FETUB: variants seen among roughly 807,000 people sequenced by gnomAD.
FETUB encodes the protein fetuin B.
In FETUB, 28 loss-of-function variants were observed where a neutral mutation model predicts 30.9. The ratio of observed to expected loss-of-function variants is 0.90; its 90% CI spans 0.67 to 1.24. FETUB has a LOEUF of 1.24. Among genes scored for constraint, FETUB ranks in the 50% most tolerant of loss-of-function variants. The pLI is 0.00. For missense variants in FETUB, 469 were observed against 455.3 expected (o/e 1.03, Z -0.27); for synonymous variants, 186 against 175.9 (o/e 1.06, Z -0.45).
intron 5 of FETUB, among the ~76,000 whole-genome samples, chr3:186,650,565 A>G (rs1021118056): frequency 9.8e-5 from 15 of 152,294 alleles, no homozygotes; most frequent in African/African-American, 3.1e-4. Context: ...TTTTTACAAT[A>G]TATTGTTAAG....
upstream of FETUB, among the ~76,000 whole-genome samples, chr3:186,639,471 A>G (rs1467942848): frequency 6.6e-6 from 1 of 152,152 alleles, no homozygotes; most frequent in Non-Finnish European, 1.5e-5. Context: ...CACCTCATGG[A>G]CTAGGGCTTT....
At chr3:186,640,806 A>G in intron 1 of FETUB, 121 bp downstream of exon 1, 1 of 841,344 alleles carries the variant, frequency 1.2e-6, no homozygotes, top group Non-Finnish European at 2.0e-6. Context: ...CCTGCCGAGA[A>G]CTCTCTGTTC....
Position 186,652,377 on chromosome 3 carries a change from G to T in FETUB, c.895G>T (p.Gly299Trp). ...TPPTDSPSKA[G>W]PRGSVQYLPD... is the part of the protein sequence containing the mutation. The stretch of plus-strand genomic sequence containing the variant: ...CCCAACAGACTCCCCCTCCAAAGCT[G>T]GGCCAAGAGGATCTGTCCAATATCT... Residue 299 changes from glycine to tryptophan, a missense_variant, in exon 7 of 7, where the codon GGG (glycine) becomes TGG (tryptophan). Transcript: ENST00000265029. 6.2e-7 allele frequency: 1 copy of T among 1,613,078 alleles called. No homozygotes were observed. Among genetic ancestry groups the T allele is most frequent in the Admixed American group, 1.7e-5 (1 of 59,902 alleles).
intron 1 of FETUB, 21 bp downstream of exon 1, chr3:186,640,706 C>T: frequency 6.3e-7 from 1 of 1,596,852 alleles, no homozygotes; most frequent in Non-Finnish European, 8.6e-7. Context: ...ACAGTTCCCA[C>T]TCTGGGGCAG....
chr3:186,648,640 C>A (rs1717745851), intron 5 of FETUB, among the ~76,000 whole-genome samples: 2 of 152,152 alleles, frequency 1.3e-5, no homozygotes, highest in Admixed American at 6.5e-5. Context: ...TATGTGGTAT[C>A]TTTCCATTTG....
At chr3:186,647,653 A>G (rs1482721504) in intron 5 of FETUB, among the ~76,000 whole-genome samples, 1 of 152,206 alleles carries the variant, frequency 6.6e-6, no homozygotes, top group Non-Finnish European at 1.5e-5. Context: ...AAAAATGTCT[A>G]CATAAATCAT....
chr3:186,644,984 A>G (rs1717384874), intron 4 of FETUB, 64 bp downstream of exon 4: 15 of 1,351,478 alleles, frequency 1.1e-5, no homozygotes, highest in Non-Finnish European at 1.5e-5. Context: ...GTAGGTTCCT[A>G]AGCTGGGAGG....
At chr3:186,649,557 A>T (rs1338233543) in intron 5 of FETUB, among the ~76,000 whole-genome samples, 1 of 151,260 alleles carries the variant, frequency 6.6e-6, no homozygotes, top group Non-Finnish European at 1.5e-5. Flanking sequence ...GCAAACCTCC[A>T]CCTCCTGGGT....
At chr3:186,637,093 A>G (rs1716798220), upstream of FETUB, among the ~76,000 whole-genome samples, 1 of 152,228 alleles carries the variant, frequency 6.6e-6, no homozygotes, top group Non-Finnish European at 1.5e-5. Context: ...CAATGGGAAT[A>G]ATAGTGGCAC....
intron 5 of FETUB, among the ~76,000 whole-genome samples, chr3:186,647,464 T>C (rs1717645312): frequency 6.6e-6 from 1 of 152,202 alleles, no homozygotes; most frequent in African/African-American, 2.4e-5. Flanking sequence ...CAGCAATGTA[T>C]GAGGGTTTCA....
chr3:186,637,319 A>G (rs1292815464), upstream of FETUB, among the ~76,000 whole-genome samples: 1 of 152,192 alleles, frequency 6.6e-6, no homozygotes, highest in Non-Finnish European at 1.5e-5. Flanking sequence ...TGTAGAGACC[A>G]TCATGTACCA....
chr3:186,640,603 C>T lies in FETUB; in HGVS notation c.143C>T (p.Ala48Val), dbSNP rs1313360077. ...DSDVLAVAGF[A>V]LRDINKDRKD... ...GATGTGCTGGCAGTTGCAGGCTTTG[C>T]CCTGCGGGATATTAACAAAGACAGA... The change falls in exon 1 of 7, where the codon GCC becomes GTC. Residue 48 changes from alanine (A) to valine (V), a missense_variant. Ala to Val is a moderately conservative substitution (Grantham distance 64, BLOSUM62 0). Coordinates refer to ENST00000265029, the MANE Select transcript of FETUB (RefSeq NM_014375.3). 3 of 1,613,990 alleles carry T rather than the reference C, an allele frequency of 1.9e-6. No homozygotes were observed. The highest frequency in any genetic ancestry group is 3.3e-5 in the Admixed American group (2 of 60,012).
rs1717999224 is a variant in FETUB at position 186,651,155 on chromosome 3, G to A, written c.697-63G>A. 6 of 1,062,872 alleles carry A rather than the reference G, an allele frequency of 5.6e-6. No individual in the cohort carries two copies. The South Asian group carries it at 7.7e-5, about 14-fold the overall frequency. The allele number at this position is 1,062,872 out of a possible 1,614,324, so 65.8% of individuals were successfully genotyped here. A position where few individuals can be genotyped will look rare whatever the true frequency, so the allele number is the denominator to read the frequency against. On this transcript the variant is annotated intron_variant, in intron 5 of 6. Coordinates refer to ENST00000265029, the MANE Select transcript of FETUB (RefSeq NM_014375.3). ...GGCTGTGTATCTACACAAGTAGAAA[G>A]CTAGTTGATTTCCATCTGTGATCAC...
chr3:186,636,740 A>T (rs2377870), upstream of FETUB, among the ~76,000 whole-genome samples: 9,728 of 152,240 alleles, frequency 0.064, 488 homozygotes, highest in East Asian at 0.16. Context: ...GACAGCTGCG[A>T]AAGTTGCAAG....
chr3:186,648,090 A>G (rs191556740), intron 5 of FETUB, among the ~76,000 whole-genome samples: 2 of 152,326 alleles, frequency 1.3e-5, no homozygotes, highest in East Asian at 3.9e-4. Flanking sequence ...TGATATGTAG[A>G]TCAATAGAAT....
Position 186,646,254 on chromosome 3 carries a change from G to A in FETUB, c.601G>A (p.Val201Ile). ...AACTCTTGTCTCATAACAGTGGGTG[G>A]TCGGCCCTTCTTACTTTGTGGAATA... The part of the protein sequence containing the change: ...KVTRASSQWV[V>I]GPSYFVEYLI... The change falls in exon 5 of 7, where the codon GTC (valine) becomes ATC (isoleucine). Residue 201 changes from valine (V) to isoleucine (I), a missense_variant. Val to Ile is a conservative substitution (Grantham distance 29, BLOSUM62 3). Coordinates refer to ENST00000265029, the MANE Select transcript of FETUB (RefSeq NM_014375.3). The A allele has an allele frequency of 6.2e-7, 1 of 1,612,324 alleles. No homozygotes were observed. Among genetic ancestry groups the A allele is most frequent in the Non-Finnish European group, 8.5e-7 (1 of 1,178,530 alleles).
upstream of FETUB, among the ~76,000 whole-genome samples, chr3:186,636,709 T>C (rs1367425118): frequency 6.6e-6 from 1 of 152,118 alleles, no homozygotes; most frequent in Admixed American, 6.5e-5. Flanking sequence ...GAGCAGCAAA[T>C]ACTATCCCAA....
rs748969702 is a variant in FETUB, at chr3:186,644,754, C to CA, written c.437dup (p.Ile147AspfsTer7). ...CTTATGTTATTGGCATCAACAGTTTCAAAAAAAAAGATTTACATGACGTGC... is the reference window on the plus strand; with the variant it reads ...CTTATGTTATTGGCATCAACAGTTTCAAAAAAAAAAGATTTACATGACGTGC... On this transcript the variant is annotated frameshift_variant, in exon 4 of 7. Transcript: ENST00000265029. LOFTEE classifies it high-confidence loss of function. 1.2e-4 allele frequency: 182 copies of CA among 1,565,772 alleles called. No homozygotes were observed. Among genetic ancestry groups the CA allele is most frequent in the South Asian group, 2.8e-4 (24 of 84,708 alleles).
intron 2 of FETUB, chr3:186,641,410 A>T: frequency 2.9e-6 from 1 of 341,146 alleles, no homozygotes; most frequent in South Asian, 4.0e-5. Flanking sequence ...ACCTTCCGTT[A>T]GGCTCTGAAC....
Sources: gnomAD v4.1 joint callset for allele counts (sites outside exome capture counted in the v4.1 genomes callset) on GRCh38, gnomAD v4.1.1 for gene constraint, MANE v1.5 for transcripts, NCBI Gene and HGNC (gene_info 2026-07-23, HGNC 2026-07-21) for gene names.